VPS13B: variants seen among roughly 807,000 people sequenced by gnomAD.
VPS13B encodes the protein intermembrane lipid transfer protein VPS13B.
VPS13B carries 285 observed loss-of-function variants against 426.4 expected under a neutral mutation model. The ratio of observed to expected loss-of-function variants is 0.67; its 90% CI spans 0.61 to 0.74. VPS13B has a LOEUF of 0.74. Ranked by LOEUF, VPS13B falls within the 30% of genes least tolerant of loss-of-function variation. VPS13B has a pLI of 0.00. For missense variants in VPS13B, 4,537 were observed against 4,782.6 expected (o/e 0.95, Z 1.51); for synonymous variants, 1,676 against 1,676.4 (o/e 1.00, Z 0.01).
rs1481544925 is a variant in VPS13B, at chr8:99,394,852, G to T, written c.3082+3148G>T. ...TTTAAGACACCTTGACTATTGCTAA[G>T]ATAGTAATAAATGAAGACATGTGAT... On this transcript the variant is annotated intron_variant, in intron 21 of 61. Coordinates refer to ENST00000357162, the MANE Select transcript of VPS13B (RefSeq NM_152564.5). Among the ~76,000 whole-genome samples the T allele has an allele frequency of 2.0e-5, 3 of 152,278 alleles. No homozygotes were observed. In the East Asian group the frequency reaches 5.8e-4, roughly 29 times the overall value.
At chr8:99,587,844 T>G in intron 33 of VPS13B, among the ~76,000 whole-genome samples, 1 of 151,844 alleles carries the variant, frequency 6.6e-6, no homozygotes, top group Admixed American at 6.5e-5. Context: ...CATTTGTCTA[T>G]TCTGGCTTTT....
intron 39 of VPS13B, among the ~76,000 whole-genome samples, chr8:99,729,297 A>C (rs1833490553): frequency 6.6e-6 from 1 of 152,110 alleles, no homozygotes; most frequent in Admixed American, 6.5e-5. Context: ...ACAAAAATTG[A>C]CTCAATTTTG....
intron 17 of VPS13B, among the ~76,000 whole-genome samples, chr8:99,250,749 A>G (rs1282065940): frequency 7.5e-6 from 1 of 132,898 alleles, no homozygotes; most frequent in Non-Finnish European, 1.5e-5. Context: ...CAGTGGCACA[A>G]TCATAGCTCA....
intron 40 of VPS13B, among the ~76,000 whole-genome samples, chr8:99,767,854 C>T (rs747212559): frequency 2.6e-5 from 4 of 151,958 alleles, no homozygotes; most frequent in East Asian, 1.9e-4. Flanking sequence ...CCTTGAGCCC[C>T]GGAGGGTGAG....
intron 23 of VPS13B, among the ~76,000 whole-genome samples, chr8:99,444,284 A>G (rs2133444459): frequency 6.6e-6 from 1 of 151,866 alleles, no homozygotes; most frequent in Admixed American, 6.5e-5. Context: ...TTTTTAGTAG[A>G]GTCAGGGTTT....
intron 16 of VPS13B, among the ~76,000 whole-genome samples, chr8:99,191,749 G>C (rs1056737596): frequency 6.6e-6 from 1 of 152,078 alleles, no homozygotes; most frequent in African/African-American, 2.4e-5. Context: ...GTCAGCTAGT[G>C]GGAGAAGAGA....
chr8:99,203,889 G>A (rs1478916188), intron 17 of VPS13B, among the ~76,000 whole-genome samples: 1 of 152,184 alleles, frequency 6.6e-6, no homozygotes, highest in Non-Finnish European at 1.5e-5. Flanking sequence ...AACATTCCAT[G>A]CTCATGGATA....
At chr8:99,091,339 A>G (rs1162722768) in intron 3 of VPS13B, among the ~76,000 whole-genome samples, 1 of 152,198 alleles carries the variant, frequency 6.6e-6, no homozygotes, top group Non-Finnish European at 1.5e-5. Context: ...TTGGTCATTA[A>G]GGTTAGTTAT....
At chr8:99,441,907 C>T (rs893191703) in intron 22 of VPS13B, among the ~76,000 whole-genome samples, 2 of 151,924 alleles carry the variant, frequency 1.3e-5, no homozygotes, top group African/African-American at 4.8e-5. Flanking sequence ...GTGATATAAA[C>T]ATGTTCTTTA....
At chr8:99,483,158 A>G (rs1820132014) in intron 25 of VPS13B, among the ~76,000 whole-genome samples, 1 of 152,202 alleles carries the variant, frequency 6.6e-6, no homozygotes, top group African/African-American at 2.4e-5. Context: ...CAGCTGCTAT[A>G]AAGCATTTAA....
In VPS13B at chr8:99,503,015, T is replaced by G; in HGVS notation, c.4157+65T>G. ...TCTTTGAACAAAGTTACCATAAGAC[T>G]TTTTCTATTTTAATTTGGCTGGTTA... is the stretch of plus-strand genomic sequence containing the variant. On this transcript the variant is annotated intron_variant, in intron 27 of 61. Transcript: ENST00000357162. The G allele has an allele frequency of 2.4e-6, 3 of 1,225,910 alleles. No homozygotes were observed. In the South Asian group the frequency reaches 3.7e-5, roughly 15 times the overall value. 75.9% of individuals were successfully genotyped at this position (1,225,910 alleles called of 1,614,324 possible). A position where few individuals can be genotyped will look rare whatever the true frequency, so the allele number is the denominator to read the frequency against.
At chr8:99,309,738 TG>T (rs1369523780) in intron 19 of VPS13B, among the ~76,000 whole-genome samples, 2 of 152,210 alleles carry the variant, frequency 1.3e-5, no homozygotes. Context: ...CGTAGCTTGA[TG>T]GGGGTGGCAT....
chr8:99,255,019 C>T (rs1327923473), intron 17 of VPS13B, among the ~76,000 whole-genome samples: 1 of 152,104 alleles, frequency 6.6e-6, no homozygotes, highest in Non-Finnish European at 1.5e-5. Context: ...CTAACTTTCT[C>T]ATAGGTCCTT....
At chr8:99,299,522 C>T (rs1233083935) in intron 19 of VPS13B, among the ~76,000 whole-genome samples, 1 of 152,042 alleles carries the variant, frequency 6.6e-6, no homozygotes, top group Non-Finnish European at 1.5e-5. Context: ...AGCAGATTAA[C>T]TCCACATTTA....
intron 17 of VPS13B, among the ~76,000 whole-genome samples, chr8:99,199,958 A>G (rs866376249): frequency 6.6e-6 from 1 of 152,066 alleles, no homozygotes; most frequent in Middle Eastern, 3.4e-3. Context: ...TAATATATTC[A>G]CAGAGTTGTA....
chr8:99,619,196 G>A (rs1281048565), intron 33 of VPS13B, among the ~76,000 whole-genome samples: 1 of 152,088 alleles, frequency 6.6e-6, no homozygotes, highest in African/African-American at 2.4e-5. Flanking sequence ...TGTGATTTAA[G>A]CAGTGCCATA....
intron 19 of VPS13B, among the ~76,000 whole-genome samples, chr8:99,376,527 A>G (rs1588307230): frequency 2.0e-5 from 3 of 152,148 alleles, no homozygotes; most frequent in African/African-American, 7.2e-5. Flanking sequence ...CTTTTTAATT[A>G]TAATAAAATA....
At chr8:99,109,550 T>C (rs1413957593) in intron 5 of VPS13B, among the ~76,000 whole-genome samples, 2 of 152,072 alleles carry the variant, frequency 1.3e-5, no homozygotes, top group East Asian at 3.9e-4. Context: ...ACCCAGCTAA[T>C]TGTTGTATTT....
chr8:99,436,915 AT>A (rs1447278274), intron 22 of VPS13B, among the ~76,000 whole-genome samples: 1 of 151,740 alleles, frequency 6.6e-6, no homozygotes, highest in Non-Finnish European at 1.5e-5. Flanking sequence ...ATTTTTTTGT[AT>A]TTTTAGTAGA....
Sources: allele counts gnomAD v4.1 joint callset (sites outside exome capture counted in the v4.1 genomes callset), GRCh38; gene constraint gnomAD v4.1.1; transcripts MANE v1.5; gene names NCBI Gene and HGNC (gene_info 2026-07-23, HGNC 2026-07-21).